The following ANK3 variants were observed in gnomAD, a reference collection of about 807,000 sequenced individuals.
ANK3 encodes ankyrin-3.
ANK3 carries 57 observed loss-of-function variants against 370.9 expected under a neutral mutation model. The ratio of observed to expected loss-of-function variants is 0.15; its 90% CI spans 0.12 to 0.19. The LOEUF is 0.19. Ranked by LOEUF, ANK3 falls within the 10% of genes least tolerant of loss-of-function variation. The pLI, the probability that ANK3 is intolerant of heterozygous loss-of-function variation, is 1.00. For missense variants in ANK3, 4,439 were observed against 5,302.1 expected (o/e 0.84, Z 5.06); for synonymous variants, 1,929 against 1,946.3 (o/e 0.99, Z 0.23).
chr10:60,589,809 T>G (rs966923065), intron 2 of ANK3, among the ~76,000 whole-genome samples: 3 of 152,372 alleles, frequency 2.0e-5, no homozygotes, highest in Admixed American at 6.5e-5. Flanking sequence ...CACCATTTTT[T>G]AAATGTACTA....
At chr10:60,061,243 T>G (rs2080398561) in intron 40 of ANK3, among the ~76,000 whole-genome samples, 1 of 152,220 alleles carries the variant, frequency 6.6e-6, no homozygotes, top group South Asian at 2.1e-4. Flanking sequence ...TAGCTGAGGT[T>G]TATAATCTGC....
At chr10:60,444,056 TA>T (rs1201509591) in intron 2 of ANK3, among the ~76,000 whole-genome samples, 8 of 152,078 alleles carry the variant, frequency 5.3e-5, no homozygotes, top group Non-Finnish European at 1.2e-4. Flanking sequence ...GAATTTTCAT[TA>T]AAAAAACATG....
intron 2 of ANK3, among the ~76,000 whole-genome samples, chr10:60,487,624 G>A (rs908516586): frequency 2.6e-5 from 4 of 152,050 alleles, no homozygotes; most frequent in African/African-American, 9.7e-5. Flanking sequence ...GACTTGGAAA[G>A]TATACTTGGT....
chr10:60,352,077 C>A (rs1481831095), intron 1 of ANK3, among the ~76,000 whole-genome samples: 1 of 152,108 alleles, frequency 6.6e-6, no homozygotes, highest in African/African-American at 2.4e-5. Context: ...CAGGCAGACA[C>A]CTGAAGTTGG....
In ANK3 at chr10:60,600,034, A is replaced by AT. The variant is rs146061520; in HGVS notation, c.96+15151_96+15152insA. Among the ~76,000 whole-genome samples the AT allele has an allele frequency of 8.2e-3, 1,252 of 152,290 alleles. 15 individuals are homozygous for AT. Among genetic ancestry groups the AT allele is most frequent in the African/African-American group, 0.029 (1,187 of 41,554 alleles). ...TTTACTCCCTTCCGTCCAGCCTATT[A>AT]GACAGCTTTAAATAACCCCAGTTTG... is the stretch of plus-strand genomic sequence containing the variant. On this transcript the variant is annotated intron_variant, in intron 2 of 43. Transcript: ENST00000373827.
chr10:60,468,204 G>T (rs1210957310), intron 2 of ANK3, among the ~76,000 whole-genome samples: 1 of 151,938 alleles, frequency 6.6e-6, no homozygotes. Flanking sequence ...GGCTGGTCTC[G>T]AACTTCTGAC....
intron 17 of ANK3, among the ~76,000 whole-genome samples, chr10:60,186,054 A>T (rs765875801): frequency 6.6e-6 from 1 of 152,326 alleles, no homozygotes; most frequent in East Asian, 1.9e-4. Flanking sequence ...CGAAGGCAGC[A>T]ATGTTTCCCA....
chr10:60,463,869 T>C (rs1420398708), intron 2 of ANK3, among the ~76,000 whole-genome samples: 7 of 152,280 alleles, frequency 4.6e-5, no homozygotes, highest in African/African-American at 1.7e-4. Flanking sequence ...GGGAGCTTTT[T>C]GTATATCATG....
intron 2 of ANK3, among the ~76,000 whole-genome samples, chr10:60,605,023 C>T (rs968551117): frequency 2.6e-5 from 4 of 152,306 alleles, no homozygotes; most frequent in African/African-American, 9.6e-5. Context: ...CCAGTAAACA[C>T]ATGATTAGAG....
Position 60,076,244 on chromosome 10 carries a change from G to A in ANK3, c.4637C>T (p.Pro1546Leu). 1 of 1,614,116 alleles carries A rather than the reference G, an allele frequency of 6.2e-7. No individual in the cohort carries two copies. Among genetic ancestry groups the A allele is most frequent in the Non-Finnish European group, 8.5e-7 (1 of 1,179,968 alleles). ...PLKSIWSVST[P>L]SPIKSTLGAS... ...GCCTAATGTGGATTTGATTGGAGAA[G>A]GTGTCGAAACAGACCATATTGATTT... Residue 1546 changes from proline to leucine, a missense_variant, in exon 37 of 44, where the codon CCT becomes CTT. Pro to Leu is a moderately conservative substitution (Grantham distance 98). Around this residue, in one of 13 missense-constraint regions of ANK3, gnomAD observed 679 missense variants for 791.0 expected, o/e 0.86. Coordinates refer to ENST00000280772, the MANE Select transcript of ANK3 (RefSeq NM_020987.5).
chr10:60,503,514 A>T (rs935870306), intron 2 of ANK3, among the ~76,000 whole-genome samples: 9 of 152,192 alleles, frequency 5.9e-5, no homozygotes, highest in African/African-American at 2.2e-4. Flanking sequence ...CTAAGGTCAC[A>T]TGAGCAAGAG....
chr10:60,348,783 A>C (rs2056252654), intron 1 of ANK3, among the ~76,000 whole-genome samples: 2 of 152,226 alleles, frequency 1.3e-5, no homozygotes, highest in African/African-American at 4.8e-5. Flanking sequence ...ACAAGAAATC[A>C]ATTTATAGTA....
intron 2 of ANK3, chr10:60,508,520 T>C (rs933020195): frequency 1.8e-4 from 28 of 152,678 alleles, no homozygotes; most frequent in Admixed American, 5.2e-4. Flanking sequence ...GGCACCTGCA[T>C]ATCAGTATTT....
chr10:60,075,161 T>A lies in ANK3; in HGVS notation c.5720A>T (p.Glu1907Val). ...SSQEILKDVA[E>V]MKEDLMRMTA... ...CATCCGCATTAGGTCCTCTTTCATT[T>A]CAGCTACATCTTTTAGTATCTCCTG... Residue 1907 changes from glutamate to valine, a missense_variant, in exon 37 of 44, where the codon GAA (glutamate) becomes GTA (valine). Transcript: ENST00000280772. 1 of 1,614,178 alleles carries A rather than the reference T, an allele frequency of 6.2e-7. No homozygotes were observed. Among genetic ancestry groups the A allele is most frequent in the African/African-American group, 1.3e-5 (1 of 75,066 alleles).
chr10:60,545,214 G>A (rs980734872), intron 2 of ANK3, among the ~76,000 whole-genome samples: 1 of 151,870 alleles, frequency 6.6e-6, no homozygotes, highest in Admixed American at 6.6e-5. Flanking sequence ...AGATGGAACC[G>A]AAGAAGAGAT....
At chr10:60,467,868 C>T (rs375484018) in intron 2 of ANK3, among the ~76,000 whole-genome samples, 19 of 151,758 alleles carry the variant, frequency 1.3e-4, no homozygotes, top group African/African-American at 3.1e-4. Flanking sequence ...CTAATAAATA[C>T]GGAGCTGCAA....
At chr10:60,085,131 C>A (rs1405969930) in intron 31 of ANK3, 26 bp downstream of exon 31, 10 of 1,574,568 alleles carry the variant, frequency 6.4e-6, no homozygotes, top group Non-Finnish European at 8.7e-6. Context: ...TTCCTTACTG[C>A]TTTTTGGAAT....
chr10:60,173,230 T>C, intron 18 of ANK3, 44 bp from the exon 19 acceptor site: 1 of 1,448,434 alleles, frequency 6.9e-7, no homozygotes, highest in Non-Finnish European at 9.6e-7. Flanking sequence ...ATAATTACAC[T>C]TTTACTAACA....
intron 28 of ANK3, among the ~76,000 whole-genome samples, chr10:60,094,788 T>C (rs1349097122): frequency 6.6e-6 from 1 of 152,168 alleles, no homozygotes; most frequent in Non-Finnish European, 1.5e-5. Context: ...ACAGAATTCT[T>C]AGGATCTGAA....
Sources: gnomAD v4.1 joint callset for allele counts (sites outside exome capture counted in the v4.1 genomes callset) on GRCh38, gnomAD v4.1.1 for gene constraint, gnomAD v4.1.1 regional missense constraint, MANE v1.5 for transcripts, NCBI Gene and HGNC (gene_info 2026-07-23, HGNC 2026-07-21) for gene names.